Variants in TMEM254 observed in about 807,000 individuals in gnomAD.
TMEM254 encodes transmembrane protein 254, also known as transmembrane protein C10orf57.
TMEM254 carries 16 observed loss-of-function variants against 13.9 expected under a neutral mutation model. The ratio of observed to expected loss-of-function variants is 1.15; its 90% CI spans 0.78 to 1.75. The LOEUF (loss-of-function observed/expected upper bound fraction) is 1.75, where lower values mean the gene tolerates loss of function less well. Among genes scored for constraint, TMEM254 ranks in the 40% most tolerant of loss-of-function variants. TMEM254 has a pLI of 0.00. For synonymous variants in TMEM254, 61 were observed against 56.4 expected (o/e 1.08, Z -0.36); for missense variants, 155 against 149.0 (o/e 1.04, Z -0.21).
chr10:80,082,127 C>A lies in TMEM254; in HGVS notation c.192-18C>A. On this transcript the variant is annotated intron_variant, in intron 2 of 3. Coordinates refer to ENST00000372281, the MANE Select transcript of TMEM254 (RefSeq NM_025125.4). ...TAACTATCACCTTAAAAAAGATTAA[C>A]CTTTTTTTTGGTTTCAGGTATTGGC... 2 of 1,613,292 alleles carry A rather than the reference C, an allele frequency of 1.2e-6. No individual in the cohort carries two copies. The highest frequency in any genetic ancestry group is 1.7e-6 in the Non-Finnish European group (2 of 1,179,310).
chr10:80,080,471 A>G (rs148896737), intron 1 of TMEM254, among the ~76,000 whole-genome samples: 2 of 152,314 alleles, frequency 1.3e-5, no homozygotes, highest in Admixed American at 6.5e-5. Context: ...TTCCATCTCT[A>G]TGCAGTGGAT....
chr10:80,089,785 C>T lies in TMEM254; in HGVS notation c.252-1012C>T, dbSNP rs1191065150. On this transcript the variant is annotated intron_variant, in intron 3 of 3. Transcript: ENST00000372281. The stretch of plus-strand genomic sequence containing the variant: ...TTGGGAGGCCGAGGTGGGTGGATCA[C>T]GAGGTCAAGAGATCGAGACCATCCT... 2.6e-5 allele frequency among the ~76,000 whole-genome samples: 4 copies of T among 151,924 alleles called. No homozygotes were observed. The South Asian group carries it at 6.2e-4, about 24-fold the overall frequency.
rs72808012 is a variant in TMEM254 at position 80,090,851 on chromosome 10, C to A, written c.306C>A (p.Phe102Leu). The A allele has an allele frequency of 1.9e-4, 306 of 1,614,136 alleles. No individual in the cohort carries two copies. The highest frequency in any genetic ancestry group is 2.5e-4 in the Non-Finnish European group (294 of 1,180,014). Residue 102 changes from phenylalanine to leucine, a missense_variant, in exon 4 of 4, where the codon TTC (phenylalanine) becomes TTA (leucine). Physicochemically the swap from Phe to Leu is conservative, Grantham distance 22. Transcript: ENST00000372281. The part of the protein sequence containing the change: ...RAQLLWFLQT[F>L]FFGIASLTIL... The stretch of plus-strand genomic sequence containing the variant: ...AGCTACTCTGGTTCCTACAGACTTT[C>A]TTCTTTGGGATAGCGTCTCTCACCA...
chr10:80,088,689 C>T lies in TMEM254; in HGVS notation c.252-2108C>T, dbSNP rs1385393709. On this transcript the variant is annotated intron_variant, in intron 3 of 3. Coordinates refer to ENST00000372281, the MANE Select transcript of TMEM254 (RefSeq NM_025125.4). ...CTGAGGCAGGAGAATGGCATGAACC[C>T]GGGAGGCCCCGGAGCTTGCAGTTAG... 4.1e-5 allele frequency among the ~76,000 whole-genome samples: 6 copies of T among 147,516 alleles called. No individual in the cohort carries two copies. The South Asian group carries it at 1.1e-3, about 27-fold the overall frequency.
intron 3 of TMEM254, 79 bp from the exon 4 acceptor site, chr10:80,090,718 T>C (rs576343901): frequency 2.2e-6 from 3 of 1,340,618 alleles, no homozygotes; most frequent in South Asian, 1.5e-5. Context: ...ATTTAAAAAA[T>C]ATATATATAG....
intron 3 of TMEM254, among the ~76,000 whole-genome samples, chr10:80,088,935 G>A (rs1844447722): frequency 6.6e-6 from 1 of 151,626 alleles, no homozygotes; most frequent in African/African-American, 2.4e-5. Flanking sequence ...TTTTTGAGAT[G>A]GAGTCTAGCT....
chr10:80,091,013 A>G lies in TMEM254; in HGVS notation c.*96A>G. 4 of 1,489,542 alleles carry G rather than the reference A, an allele frequency of 2.7e-6. No homozygotes were observed. The highest frequency in any genetic ancestry group is 1.4e-5 in the South Asian group (1 of 73,622). The allele number at this position is 1,489,542 out of a possible 1,614,324, so 92.3% of individuals were successfully genotyped here. ...CAGTAATTTACTCAGTGATCTTTCT[A>G]CTTTCTAGAAACTGTCCTTCAAAGC... On this transcript the variant is annotated 3_prime_UTR_variant, in exon 4 of 4. Coordinates refer to ENST00000372281, the MANE Select transcript of TMEM254 (RefSeq NM_025125.4).
intron 1 of TMEM254, 94 bp from the exon 2 acceptor site, chr10:80,081,747 T>G (rs575407236): frequency 6.2e-7 from 1 of 1,609,592 alleles, no homozygotes; most frequent in East Asian, 2.2e-5. Flanking sequence ...CTGTGGTAAT[T>G]TTTTTACTGT....
At chr10:80,088,838 T>A (rs1408400292) in intron 3 of TMEM254, among the ~76,000 whole-genome samples, 1 of 151,398 alleles carries the variant, frequency 6.6e-6, no homozygotes, top group Admixed American at 6.6e-5. Flanking sequence ...GCTCAAGCGA[T>A]CCACCTGCGT....
intron 3 of TMEM254, among the ~76,000 whole-genome samples, chr10:80,089,751 A>C (rs555691788): frequency 4.9e-4 from 75 of 151,726 alleles, no homozygotes; most frequent in Admixed American, 2.6e-3. Flanking sequence ...CGCCTGTAAT[A>C]CCAGCACTTT....
chr10:80,080,430 A>G (rs781776993), intron 1 of TMEM254, among the ~76,000 whole-genome samples: 6 of 152,232 alleles, frequency 3.9e-5, no homozygotes, highest in Non-Finnish European at 8.8e-5. Context: ...AGCAGTTGCT[A>G]TTAAAATGTC....
chr10:80,082,868 C>G (rs775226434), intron 3 of TMEM254, among the ~76,000 whole-genome samples: 13 of 152,136 alleles, frequency 8.5e-5, no homozygotes, highest in Non-Finnish European at 1.9e-4. Context: ...CAAATTGCTT[C>G]TTTCCAATTA....
intron 1 of TMEM254, among the ~76,000 whole-genome samples, chr10:80,081,044 C>T (rs1315902392): frequency 6.6e-6 from 1 of 152,214 alleles, no homozygotes; most frequent in Admixed American, 6.5e-5. Flanking sequence ...CGTGCCACTG[C>T]ACTCCAGCCT....
intron 2 of TMEM254, 81 bp downstream of exon 2, chr10:80,082,025 T>C (rs531065625): frequency 6.4e-7 from 1 of 1,563,938 alleles, no homozygotes; most frequent in African/African-American, 1.4e-5. Context: ...AGCTGCCTTT[T>C]GGTATCTAAG....
At chr10:80,079,250 G>T in intron 1 of TMEM254, 1 of 1,241,258 alleles carries the variant, frequency 8.1e-7, no homozygotes, top group Middle Eastern at 3.3e-4. Flanking sequence ...AGGGCGAGGG[G>T]AGCTCTGGGA....
At position 80,091,020 on chromosome 10, in the gene TMEM254, A is replaced by G. The variant is rs1213838854; in HGVS notation, c.*103A>G. ...TTACTCAGTGATCTTTCTACTTTCT[A>G]GAAACTGTCCTTCAAAGCTCTTTAA... is the stretch of plus-strand genomic sequence containing the variant. On this transcript the variant is annotated 3_prime_UTR_variant, in exon 4 of 4. Transcript: ENST00000372281. 6.1e-6 allele frequency: 9 copies of G among 1,465,214 alleles called. No homozygotes were observed. The Admixed American group carries it at 8.7e-5, about 14-fold the overall frequency. The allele number at this position is 1,465,214 out of a possible 1,614,324, so 90.8% of individuals were successfully genotyped here.
At chr10:80,085,985 T>A (rs572441783) in intron 3 of TMEM254, among the ~76,000 whole-genome samples, 27 of 152,292 alleles carry the variant, frequency 1.8e-4, no homozygotes, top group African/African-American at 5.8e-4. Flanking sequence ...TAGATTTTAT[T>A]ACAGTGTAGA....
At chr10:80,085,192 C>T (rs2132288859) in intron 3 of TMEM254, among the ~76,000 whole-genome samples, 1 of 152,132 alleles carries the variant, frequency 6.6e-6, no homozygotes, top group South Asian at 2.1e-4. Flanking sequence ...CTCTTATGTT[C>T]TTGAAATCAT....
chr10:80,081,122 A>G (rs1312284480), intron 1 of TMEM254, among the ~76,000 whole-genome samples: 1 of 152,000 alleles, frequency 6.6e-6, no homozygotes, highest in African/African-American at 2.4e-5. Context: ...CGTGGTAGCC[A>G]TGCCTGTATT....
Sources: gnomAD v4.1 joint callset for allele counts (sites outside exome capture counted in the v4.1 genomes callset) on GRCh38, gnomAD v4.1.1 for gene constraint, MANE v1.5 for transcripts, NCBI Gene and HGNC (gene_info 2026-07-23, HGNC 2026-07-21) for gene names.